The following PAM variants were observed in gnomAD, a reference collection of about 807,000 sequenced individuals.
PAM encodes the protein peptidyl-glycine alpha-amidating monooxygenase.
Under a neutral mutation model 122.1 loss-of-function variants are expected in PAM, and 72 were observed. The ratio of observed to expected loss-of-function variants is 0.59; its 90% CI spans 0.49 to 0.72. The LOEUF (loss-of-function observed/expected upper bound fraction) is 0.72, where lower values mean the gene tolerates loss of function less well. Among genes scored for constraint, PAM ranks in the 30% least tolerant of loss-of-function variants. The pLI is 0.00. For missense variants in PAM, 1,106 were observed against 1,183.7 expected (o/e 0.93, Z 0.96); for synonymous variants, 389 against 404.4 (o/e 0.96, Z 0.46).
intron 1 of PAM, among the ~76,000 whole-genome samples, chr5:102,839,803 T>C (rs1276392549): frequency 3.3e-5 from 5 of 152,138 alleles, no homozygotes; most frequent in African/African-American, 1.2e-4. Flanking sequence ...TTAATGGTTT[T>C]ACCAAAAATA....
At chr5:103,015,449 G>T (rs565002092) in intron 21 of PAM, among the ~76,000 whole-genome samples, 10 of 152,054 alleles carry the variant, frequency 6.6e-5, no homozygotes, top group Non-Finnish European at 1.3e-4. Context: ...TTTGCTGGGG[G>T]TACCTCAAAA....
chr5:103,003,448 T>A (rs138106102), intron 17 of PAM, among the ~76,000 whole-genome samples: 1 of 152,148 alleles, frequency 6.6e-6, no homozygotes, highest in Admixed American at 6.5e-5. Context: ...ATGAGTATAT[T>A]TGGAATGTTC....
At chr5:102,860,797 TG>T (rs1783964040) in intron 1 of PAM, among the ~76,000 whole-genome samples, 1 of 152,094 alleles carries the variant, frequency 6.6e-6, no homozygotes, top group African/African-American at 2.4e-5. Context: ...TTTAATCAAA[TG>T]GTCAAAGTTA....
chr5:102,946,942 G>A (rs1482728378), intron 8 of PAM, 57 bp downstream of exon 8: 4 of 1,113,632 alleles, frequency 3.6e-6, no homozygotes, highest in Non-Finnish European at 5.5e-6. Flanking sequence ...TGCGAACTTA[G>A]AGTGGGAAGT....
At chr5:102,956,084 G>T (rs1240950410) in intron 12 of PAM, among the ~76,000 whole-genome samples, 2 of 151,974 alleles carry the variant, frequency 1.3e-5, no homozygotes, top group Non-Finnish European at 2.9e-5. Flanking sequence ...CTCTTTTAAT[G>T]AAATTTTCCT....
Position 103,007,472 on chromosome 5 carries a change from G to A in PAM, c.2030G>A (p.Ser677Asn), listed in dbSNP as rs1321645084. ...TGTTCTGCAGAGTCTTCAGGGAGCA[G>A]TCCTCTGCCAGGCCAGTTCACTGTT... ...TQWGEESSGS[S>N]PLPGQFTVPH... The change falls in exon 20 of 26, where the codon AGT becomes AAT. Residue 677 changes from serine to asparagine, a missense_variant. By Grantham distance (46) the Ser-to-Asn change is conservative. Around this residue, in one of 3 missense-constraint regions of PAM, gnomAD observed 103 missense variants for 157.9 expected, o/e 0.65. Coordinates refer to ENST00000438793, the MANE Select transcript of PAM (RefSeq NM_001177306.2). 1.2e-6 allele frequency: 2 copies of A among 1,613,832 alleles called. No homozygotes were observed. The highest frequency in any genetic ancestry group is 2.7e-5 in the African/African-American group (2 of 74,884).
chr5:102,865,185 G>C (rs1785194606), intron 1 of PAM: 1 of 152,196 alleles, frequency 6.6e-6, no homozygotes, highest in African/African-American at 2.4e-5. Flanking sequence ...TTTACATCTT[G>C]TGTATCATGT....
chr5:102,765,022 C>A (rs1433611115), intron 1 of PAM, among the ~76,000 whole-genome samples: 1 of 152,010 alleles, frequency 6.6e-6, no homozygotes, highest in Non-Finnish European at 1.5e-5. Context: ...TGGCCTATTT[C>A]CATCACTTCC....
At chr5:102,889,612 A>T (rs1337991593) in intron 3 of PAM, among the ~76,000 whole-genome samples, 1 of 151,886 alleles carries the variant, frequency 6.6e-6, no homozygotes, top group Non-Finnish European at 1.5e-5. Context: ...TATTAACTAT[A>T]GCAAATTAAT....
chr5:102,975,192 TA>T (rs1767220892), intron 15 of PAM, among the ~76,000 whole-genome samples: 1 of 152,202 alleles, frequency 6.6e-6, no homozygotes, highest in African/African-American at 2.4e-5. Flanking sequence ...GAAAGCCAGA[TA>T]ATACAGCATG....
chr5:102,973,316 C>G (rs979873614), intron 14 of PAM, among the ~76,000 whole-genome samples: 13 of 152,240 alleles, frequency 8.5e-5, no homozygotes, highest in Non-Finnish European at 1.5e-5. Context: ...ACTTCATGAA[C>G]TTTCTGTAGT....
chr5:102,876,836 A>G (rs1043763633), intron 3 of PAM, among the ~76,000 whole-genome samples: 2 of 151,750 alleles, frequency 1.3e-5, no homozygotes, highest in Admixed American at 6.5e-5. Context: ...TGGCTAGAGC[A>G]AACAGTAGAT....
At chr5:103,017,230 A>G in intron 21 of PAM, 104 bp from the exon 22 acceptor site, 1 of 763,374 alleles carries the variant, frequency 1.3e-6, no homozygotes, top group South Asian at 1.7e-5. Flanking sequence ...TTTGAGTAAT[A>G]TGTTTTGTTG....
chr5:103,001,955 T>C (rs79452628), intron 16 of PAM, among the ~76,000 whole-genome samples: 6,789 of 152,166 alleles, frequency 0.045, 530 homozygotes, highest in African/African-American at 0.16. Context: ...GCAATTCTGT[T>C]TTACAGAAAT....
intron 4 of PAM, among the ~76,000 whole-genome samples, chr5:102,907,270 T>C (rs1176368966): frequency 6.6e-6 from 1 of 151,820 alleles, no homozygotes; most frequent in Non-Finnish European, 1.5e-5. Flanking sequence ...TGATTTCCAA[T>C]TTCATCCATG....
chr5:102,867,416 T>A (rs749679855), intron 3 of PAM, 23 bp downstream of exon 3: 1 of 1,582,082 alleles, frequency 6.3e-7, no homozygotes, highest in Admixed American at 1.7e-5. Flanking sequence ...TTGTCTTTCA[T>A]TATTCACTTG....
At chr5:102,875,667 C>A (rs1561720388) in intron 3 of PAM, among the ~76,000 whole-genome samples, 2 of 152,146 alleles carry the variant, frequency 1.3e-5, no homozygotes, top group Admixed American at 6.5e-5. Flanking sequence ...TAGAGGTCAG[C>A]AAATTCTTTC....
At chr5:102,876,509 T>G (rs947711692) in intron 3 of PAM, among the ~76,000 whole-genome samples, 1 of 152,194 alleles carries the variant, frequency 6.6e-6, no homozygotes, top group African/African-American at 2.4e-5. Context: ...CCTTTCCCAC[T>G]TTTGTGTCTC....
At chr5:102,809,334 A>G (rs1446480666) in intron 1 of PAM, among the ~76,000 whole-genome samples, 3 of 150,474 alleles carry the variant, frequency 2.0e-5, no homozygotes, top group African/African-American at 7.4e-5. Flanking sequence ...CAATAAAGCA[A>G]GCAAGACCTG....
Sources: allele counts gnomAD v4.1 joint callset (sites outside exome capture counted in the v4.1 genomes callset), GRCh38; gene constraint gnomAD v4.1.1; regional missense constraint gnomAD v4.1.1; transcripts MANE v1.5; gene names NCBI Gene and HGNC (gene_info 2026-07-23, HGNC 2026-07-21).